The following SLC45A2 variants were observed in gnomAD, a reference collection of about 807,000 sequenced individuals.
The protein encoded by SLC45A2 is solute carrier family 45 member 2.
In SLC45A2, 36 loss-of-function variants were observed where a neutral mutation model predicts 45.5. The ratio of observed to expected loss-of-function variants is 0.79; its 90% CI spans 0.61 to 1.04. The LOEUF (loss-of-function observed/expected upper bound fraction) is 1.04, where lower values mean the gene tolerates loss of function less well. SLC45A2 is among the 50% of genes least tolerant of loss of function. The probability of loss-of-function intolerance (pLI) is 0.00; values close to 1 mark genes in which losing one functional copy is unlikely to be tolerated. For missense variants in SLC45A2, 719 were observed against 671.0 expected (o/e 1.07, Z -0.79); for synonymous variants, 306 against 269.3 (o/e 1.14, Z -1.33).
chr5:33,956,247 G>A (rs1427385754), intron 3 of SLC45A2, among the ~76,000 whole-genome samples: 4 of 152,144 alleles, frequency 2.6e-5, no homozygotes, highest in Non-Finnish European at 4.4e-5. Context: ...ATCAACTGCA[G>A]ACAAGAGCAG....
At chr5:33,961,752 C>G (rs990647334) in intron 3 of SLC45A2, among the ~76,000 whole-genome samples, 1 of 152,164 alleles carries the variant, frequency 6.6e-6, no homozygotes, top group African/African-American at 2.4e-5. Flanking sequence ...ATCCACTGTT[C>G]CTGTTCCTGC....
At chr5:33,959,698 C>T (rs189418533) in intron 3 of SLC45A2, among the ~76,000 whole-genome samples, 10 of 152,256 alleles carry the variant, frequency 6.6e-5, no homozygotes, top group East Asian at 1.9e-4. Context: ...CAGGTTGATG[C>T]GCTGTGGCAA....
At chr5:33,960,466 G>A (rs2111950558) in intron 3 of SLC45A2, among the ~76,000 whole-genome samples, 1 of 152,250 alleles carries the variant, frequency 6.6e-6, no homozygotes, top group Admixed American at 6.5e-5. Context: ...CAGTGACCTA[G>A]ATGAGATTGA....
At position 33,944,648 on chromosome 5, in the gene SLC45A2, C is replaced by T. The variant is rs776135366; in HGVS notation, c.1593G>A (p.Ter531=). 2 of 1,613,972 alleles carry T rather than the reference C, an allele frequency of 1.2e-6. No individual in the cohort carries two copies. Among genetic ancestry groups the T allele is most frequent in the Non-Finnish European group, 1.7e-6 (2 of 1,179,892 alleles). ...TTAGGGTCATTGTCTCTTTATTGACCTAATCCACATATCTAACAAAGAGAG... is the reference window on the plus strand; with the variant it reads ...TTAGGGTCATTGTCTCTTTATTGACTTAATCCACATATCTAACAAAGAGAG... The part of the protein sequence containing the change: ...FVALFVRYVD[*] The change falls in exon 7 of 7, where the codon TAG becomes TAA. Residue 531 remains the stop codon, a stop_retained_variant. Transcript: ENST00000296589.
chr5:33,952,677 T>A (rs1038749863), intron 4 of SLC45A2, among the ~76,000 whole-genome samples: 1 of 85,650 alleles, frequency 1.2e-5, no homozygotes, highest in Non-Finnish European at 2.8e-5. Context: ...AGCAAAAGTT[T>A]TTTTTTTTTT....
Position 33,954,351 on chromosome 5 carries a change from C to T in SLC45A2, c.1032+10G>A, listed in dbSNP as rs765266556. 27 of 1,613,832 alleles carry T rather than the reference C, an allele frequency of 1.7e-5. No homozygotes were observed. The highest frequency in any genetic ancestry group is 1.6e-4 in the Middle Eastern group (1 of 6,082). On this transcript the variant is annotated intron_variant, in intron 4 of 6. Transcript: ENST00000296589. ...GTAACAGTGATTGTGTGCACAGACA[C>T]GTTCATTACCTGGCCCATGAAATCT...
At chr5:33,966,997 G>A (rs1433168823) in intron 2 of SLC45A2, among the ~76,000 whole-genome samples, 4 of 152,150 alleles carry the variant, frequency 2.6e-5, no homozygotes, top group Non-Finnish European at 4.4e-5. Context: ...TCTGAATTTA[G>A]TGAGGATTAA....
chr5:33,960,459 T>G (rs192131999), intron 3 of SLC45A2, among the ~76,000 whole-genome samples: 140 of 152,286 alleles, frequency 9.2e-4, no homozygotes, highest in African/African-American at 3.2e-3. Context: ...GCATTTGCAG[T>G]GACCTAGATG....
At chr5:33,952,061 T>C (rs565862064) in intron 4 of SLC45A2, among the ~76,000 whole-genome samples, 28 of 152,274 alleles carry the variant, frequency 1.8e-4, no homozygotes, top group African/African-American at 5.5e-4. Context: ...CTAATATTCC[T>C]CTAACTCCTA....
intron 3 of SLC45A2, among the ~76,000 whole-genome samples, chr5:33,960,160 CCA>C (rs1354416614): frequency 1.3e-5 from 2 of 152,138 alleles, no homozygotes; most frequent in Non-Finnish European, 2.9e-5. Flanking sequence ...TCAGGAATCT[CCA>C]CACTGTTTTC....
At position 33,982,966 on chromosome 5, in the gene SLC45A2, C is replaced by T. The variant is rs915256405; in HGVS notation, c.386-554G>A. Among the ~76,000 whole-genome samples, 17 of 152,324 alleles carry T rather than the reference C, an allele frequency of 1.1e-4. No homozygotes were observed. The South Asian group carries it at 2.1e-3, about 19-fold the overall frequency. On this transcript the variant is annotated intron_variant, in intron 1 of 6. Transcript: ENST00000296589. ...ACACACGTGTACAATGGTAGTCAAA[C>T]GCAGTGCTTCTCAAAGTCTGGCATA...
intron 4 of SLC45A2, among the ~76,000 whole-genome samples, chr5:33,952,241 C>T (rs2111918173): frequency 6.6e-6 from 1 of 152,256 alleles, no homozygotes; most frequent in Admixed American, 6.5e-5. Context: ...ATTGCTCCAC[C>T]TTGGCCTCGA....
At chr5:33,974,402 C>A (rs1000049440) in intron 2 of SLC45A2, among the ~76,000 whole-genome samples, 1 of 151,300 alleles carries the variant, frequency 6.6e-6, no homozygotes, top group East Asian at 1.9e-4. Context: ...CCCTTGGATG[C>A]TTATTTATGA....
intron 3 of SLC45A2, 131 bp downstream of exon 3, chr5:33,963,560 G>T (rs1752510052): frequency 4.0e-6 from 4 of 999,948 alleles, no homozygotes; most frequent in Non-Finnish European, 6.2e-6. Context: ...AGCTACGGGG[G>T]ATTTGGGAAT....
rs2111928428 is a variant in SLC45A2 at position 33,954,558 on chromosome 5, C to A, written c.889-54G>T. The A allele has an allele frequency of 1.9e-6, 3 of 1,609,572 alleles. No homozygotes were observed. In the East Asian group the frequency reaches 6.7e-5, roughly 36 times the overall value. ...ATCTTCACTGCAGAAACTCAGCCAG[C>A]TAAGGGAGCCAGAACACACAGACAT... On this transcript the variant is annotated intron_variant, in intron 3 of 6. Coordinates refer to ENST00000296589, the MANE Select transcript of SLC45A2 (RefSeq NM_016180.5).
At chr5:33,959,068 C>CT (rs913113851) in intron 3 of SLC45A2, among the ~76,000 whole-genome samples, 13 of 152,072 alleles carry the variant, frequency 8.5e-5, no homozygotes, top group Admixed American at 2.6e-4. Flanking sequence ...TACTTTTTCC[C>CT]TTTTTTTATC....
intron 4 of SLC45A2, among the ~76,000 whole-genome samples, chr5:33,952,683 T>A (rs1233845048): frequency 1.8e-5 from 1 of 54,526 alleles, no homozygotes; most frequent in African/African-American, 5.2e-5. Context: ...AGTTTTTTTT[T>A]TTTTTTTAAT....
At chr5:33,969,368 T>G (rs1358595773) in intron 2 of SLC45A2, among the ~76,000 whole-genome samples, 11 of 152,144 alleles carry the variant, frequency 7.2e-5, no homozygotes, top group Admixed American at 2.0e-4. Context: ...TGATATTTCT[T>G]TAGGTTTACA....
chr5:33,974,394 C>T (rs903135317), intron 2 of SLC45A2, among the ~76,000 whole-genome samples: 5 of 151,716 alleles, frequency 3.3e-5, no homozygotes, highest in Admixed American at 3.3e-4. Flanking sequence ...GTAATGAACC[C>T]TTGGATGCTT....
Sources: gnomAD v4.1 joint callset for allele counts (sites outside exome capture counted in the v4.1 genomes callset) on GRCh38, gnomAD v4.1.1 for gene constraint, MANE v1.5 for transcripts, NCBI Gene and HGNC (gene_info 2026-07-23, HGNC 2026-07-21) for gene names.